Variants in LAMA1 observed in about 807,000 individuals in gnomAD.
LAMA1 encodes laminin subunit alpha-1.
A neutral mutation model predicts 348.7 loss-of-function variants in LAMA1; 219 were observed. That is an observed-to-expected ratio of 0.63 (90% CI 0.56 to 0.70). The LOEUF (loss-of-function observed/expected upper bound fraction) is 0.70, where lower values mean the gene tolerates loss of function less well. LAMA1 is among the 30% of genes least tolerant of loss of function. LAMA1 has a pLI of 0.00. For missense variants in LAMA1, 3,744 were observed against 3,888.0 expected (o/e 0.96, Z 0.99); for synonymous variants, 1,487 against 1,491.0 (o/e 1.00, Z 0.06).
chr18:7,112,181 G>T (rs1040715625), intron 1 of LAMA1, among the ~76,000 whole-genome samples: 8 of 152,102 alleles, frequency 5.3e-5, no homozygotes, highest in African/African-American at 1.9e-4. Context: ...AACCCCAAAA[G>T]ATCTAGGAAA....
intron 3 of LAMA1, among the ~76,000 whole-genome samples, chr18:7,053,712 C>T (rs1449660640): frequency 1.3e-5 from 2 of 152,090 alleles, no homozygotes; most frequent in South Asian, 2.1e-4. Flanking sequence ...GCAAGTACTT[C>T]CAGTGACAGG....
Position 7,009,312 on chromosome 18 carries a change from A to T in LAMA1, c.3928T>A (p.Phe1310Ile). The T allele has an allele frequency of 6.2e-7, 1 of 1,614,126 alleles. No individual in the cohort carries two copies. The highest frequency in any genetic ancestry group is 8.5e-7 in the Non-Finnish European group (1 of 1,179,964). Residue 1310 changes from phenylalanine to isoleucine, a missense_variant, in exon 27 of 63, where the codon TTT (phenylalanine) becomes ATT (isoleucine). Coordinates refer to ENST00000389658, the MANE Select transcript of LAMA1 (RefSeq NM_005559.4). ...VSEKPVTRED[F>I]MSVLSDIEYI... is the part of the protein sequence containing the mutation. The stretch of plus-strand genomic sequence containing the variant: ...TCAATATCGCTGAGGACAGACATAA[A>T]ATCCTCTCGCGTGACAGGTTTTTCA...
intron 4 of LAMA1, among the ~76,000 whole-genome samples, chr18:7,050,119 T>C (rs1228248672): frequency 2.0e-5 from 3 of 152,228 alleles, no homozygotes; most frequent in Non-Finnish European, 4.4e-5. Context: ...TGATACAGGC[T>C]GTCTTAATTA....
chr18:6,961,166 T>A (rs1249438719), intron 53 of LAMA1, among the ~76,000 whole-genome samples: 1 of 152,210 alleles, frequency 6.6e-6, no homozygotes, highest in Non-Finnish European at 1.5e-5. Context: ...CACATTTCCC[T>A]TGCTGCTCCT....
intron 3 of LAMA1, among the ~76,000 whole-genome samples, chr18:7,051,832 T>C (rs61565014): frequency 0.21 from 31,417 of 152,158 alleles, 9,568 homozygotes; most frequent in African/African-American, 0.67. Context: ...GGTGTGAATG[T>C]AAAAAGGTAC....
chr18:6,947,035 A>G (rs2057524721), intron 61 of LAMA1, 128 bp downstream of exon 61: 2 of 1,249,110 alleles, frequency 1.6e-6, no homozygotes, highest in East Asian at 4.8e-5. Flanking sequence ...ATCTGTTTTT[A>G]AAATAGTAAT....
intron 48 of LAMA1, among the ~76,000 whole-genome samples, chr18:6,971,396 T>A (rs1177643102): frequency 2.6e-5 from 4 of 152,164 alleles, no homozygotes; most frequent in African/African-American, 9.7e-5. Context: ...GTGAAAAAAT[T>A]CTTATCCTTG....
chr18:6,993,080 C>T (rs372030980), intron 35 of LAMA1, among the ~76,000 whole-genome samples: 1 of 151,146 alleles, frequency 6.6e-6, no homozygotes, highest in East Asian at 1.9e-4. Flanking sequence ...ATGCTTGATC[C>T]TACTTTTTTT....
intron 45 of LAMA1, among the ~76,000 whole-genome samples, 159 bp from the exon 46 acceptor site, chr18:6,975,195 G>A (rs932053729): frequency 6.6e-6 from 1 of 152,134 alleles, no homozygotes; most frequent in Non-Finnish European, 1.5e-5. Context: ...TGTTTGAAAT[G>A]GTCCCTTCCC....
At chr18:7,040,848 G>A (rs1031806320) in intron 9 of LAMA1, among the ~76,000 whole-genome samples, 1 of 152,126 alleles carries the variant, frequency 6.6e-6, no homozygotes, top group African/African-American at 2.4e-5. Flanking sequence ...GGTACAACAC[G>A]GATGACCTTG....
intron 53 of LAMA1, chr18:6,960,474 C>A (rs937271714): frequency 4.6e-5 from 7 of 151,696 alleles, no homozygotes; most frequent in African/African-American, 1.7e-4. Flanking sequence ...TCTATACAGC[C>A]GGAAAGCAAA....
chr18:7,007,137 A>G lies in LAMA1; in HGVS notation c.4260+2T>C. 6.2e-7 allele frequency: 1 copy of G among 1,613,900 alleles called. No homozygotes were observed. Among genetic ancestry groups the G allele is most frequent in the Non-Finnish European group, 8.5e-7 (1 of 1,179,956 alleles). On this transcript the variant is annotated splice_donor_variant, in intron 29 of 62. Transcript: ENST00000389658. LOFTEE classifies it high-confidence loss of function. ...GGCAAGCACCCCCACAAACCAGCAT[A>G]CCAGACACTTCCCGGTGTTGGGGTC...
At chr18:7,032,707 C>T (rs940145519) in intron 15 of LAMA1, among the ~76,000 whole-genome samples, 3 of 152,200 alleles carry the variant, frequency 2.0e-5, no homozygotes, top group Non-Finnish European at 4.4e-5. Flanking sequence ...CTTAGAAACA[C>T]AGTCAATGGC....
At position 7,117,736 on chromosome 18, in the gene LAMA1, A is replaced by T. The variant is rs1396745699; in HGVS notation, c.-16T>A. ...CCCCGCGCATCTCGCCTCCGCCGCCACTCGGTGGGTCTGGGGAGAAAGCCG... is the reference window on the plus strand; with the variant it reads ...CCCCGCGCATCTCGCCTCCGCCGCCTCTCGGTGGGTCTGGGGAGAAAGCCG... On this transcript the variant is annotated 5_prime_UTR_variant, in exon 1 of 63. Transcript: ENST00000389658. 2 of 1,593,944 alleles carry T rather than the reference A, an allele frequency of 1.3e-6. No homozygotes were observed.
At chr18:7,020,434 C>T (rs1333431452) in intron 19 of LAMA1, among the ~76,000 whole-genome samples, 1 of 152,184 alleles carries the variant, frequency 6.6e-6, no homozygotes, top group Non-Finnish European at 1.5e-5. Context: ...TTTAACCTAA[C>T]AGACTATAGT....
At chr18:6,944,870 C>T (rs1414467489) in intron 61 of LAMA1, among the ~76,000 whole-genome samples, 2 of 151,988 alleles carry the variant, frequency 1.3e-5, no homozygotes, top group Non-Finnish European at 2.9e-5. Flanking sequence ...TGAAACTGCT[C>T]AGTATTATTT....
At chr18:7,082,495 T>C (rs2058196960) in intron 1 of LAMA1, among the ~76,000 whole-genome samples, 1 of 152,202 alleles carries the variant, frequency 6.6e-6, no homozygotes, top group Non-Finnish European at 1.5e-5. Flanking sequence ...TATGTAATAA[T>C]GTAGCTCCTA....
At position 7,008,703 on chromosome 18, in the gene LAMA1, C is replaced by G. The variant is rs112319375; in HGVS notation, c.4002-95G>C. 3,867 of 1,445,880 alleles carry G rather than the reference C, an allele frequency of 2.7e-3. 90 individuals carry two copies. In the African/African-American group the frequency reaches 0.047, roughly 17 times the overall value. The allele number at this position is 1,445,880 out of a possible 1,614,324, so 89.6% of individuals were successfully genotyped here. A position where few individuals can be genotyped will look rare whatever the true frequency, so the allele number is the denominator to read the frequency against. The stretch of plus-strand genomic sequence containing the variant: ...CCTAACACTTGCATATATATGAAAC[C>G]AGAGCTTTCTTCCCTGTTTGGAGTA... On this transcript the variant is annotated intron_variant, in intron 27 of 62. Transcript: ENST00000389658.
At chr18:7,061,870 C>T (rs186466081) in intron 3 of LAMA1, among the ~76,000 whole-genome samples, 35 of 152,242 alleles carry the variant, frequency 2.3e-4, no homozygotes, top group African/African-American at 7.9e-4. Context: ...AGTACCTGTG[C>T]GTCTGAGAAC....
Sources: allele counts gnomAD v4.1 joint callset (sites outside exome capture counted in the v4.1 genomes callset), GRCh38; gene constraint gnomAD v4.1.1; transcripts MANE v1.5; gene names NCBI Gene and HGNC (gene_info 2026-07-23, HGNC 2026-07-21).